The following SDHAF3 variants were observed in gnomAD, a reference collection of about 807,000 sequenced individuals.
SDHAF3 encodes the protein succinate dehydrogenase complex assembly factor 3, also known as succinate dehydrogenase assembly factor 3, mitochondrial.
A neutral mutation model predicts 11.5 loss-of-function variants in SDHAF3; 18 were observed. That is an observed-to-expected ratio of 1.56 (90% CI 1.08 to 2.32). The LOEUF is 2.32. Ranked by LOEUF, SDHAF3 falls within the 30% of genes most tolerant of loss-of-function variation. The probability of loss-of-function intolerance (pLI) is 0.00; values close to 1 mark genes in which losing one functional copy is unlikely to be tolerated. For synonymous variants in SDHAF3, 72 were observed against 59.3 expected (o/e 1.21, Z -0.99); for missense variants, 200 against 154.4 (o/e 1.30, Z -1.57).
intron 1 of SDHAF3, among the ~76,000 whole-genome samples, chr7:97,160,370 C>T (rs535588290): frequency 9.2e-5 from 14 of 151,574 alleles, no homozygotes; most frequent in African/African-American, 3.1e-4. Context: ...TGCCCGGCCG[C>T]CCCATCTGGG....
chr7:97,137,656 A>T (rs915050081), intron 1 of SDHAF3, among the ~76,000 whole-genome samples: 23 of 152,224 alleles, frequency 1.5e-4, no homozygotes, highest in Non-Finnish European at 7.3e-5. Context: ...AGCCTGCCAC[A>T]AATCAATATG....
At chr7:97,135,226 A>T (rs919050605) in intron 1 of SDHAF3, 5 of 152,146 alleles carry the variant, frequency 3.3e-5, no homozygotes, top group African/African-American at 1.2e-4. Context: ...CATACCTAAC[A>T]TTTTGGTCTT....
intron 1 of SDHAF3, among the ~76,000 whole-genome samples, chr7:97,178,326 C>T (rs1325627105): frequency 2.6e-5 from 4 of 152,002 alleles, no homozygotes; most frequent in South Asian, 4.1e-4. Flanking sequence ...TTCCAAATGT[C>T]GTCTATTGTG....
intron 1 of SDHAF3, among the ~76,000 whole-genome samples, chr7:97,154,136 C>T (rs528917025): frequency 6.9e-6 from 1 of 145,646 alleles, no homozygotes; most frequent in Admixed American, 7.1e-5. Flanking sequence ...AGTACATTCT[C>T]AAGGGTGGGG....
intron 1 of SDHAF3, among the ~76,000 whole-genome samples, chr7:97,171,660 C>T (rs1192724596): frequency 6.6e-6 from 1 of 151,802 alleles, no homozygotes; most frequent in African/African-American, 2.4e-5. Flanking sequence ...TGTTTTAAAC[C>T]ATTTGGTTTT....
Position 97,150,562 on chromosome 7 carries a change from CTTTTTTTT to C in SDHAF3, c.175-30438_175-30431del, listed in dbSNP as rs34184405. 1.2e-4 allele frequency among the ~76,000 whole-genome samples: 13 copies of C among 104,744 alleles called. No individual in the cohort carries two copies. The South Asian group carries it at 3.9e-3, about 31-fold the overall frequency. The allele number at this position is 104,744 out of a possible 152,430, so 68.7% of individuals were successfully genotyped here. ...ATATTTTGAAAGGAATCTTTTTTTC[CTTTTTTTT>C]TTTTTTTTTTTGAGATGGGGTCTCG... On this transcript the variant is annotated intron_variant, in intron 1 of 1. Coordinates refer to ENST00000432641, the MANE Select transcript of SDHAF3 (RefSeq NM_020186.3).
chr7:97,175,545 C>T (rs936032652), intron 1 of SDHAF3, among the ~76,000 whole-genome samples: 5 of 152,196 alleles, frequency 3.3e-5, no homozygotes, highest in African/African-American at 1.2e-4. Flanking sequence ...TTGCCTTGGC[C>T]TCCCAAAGCT....
chr7:97,145,490 T>C (rs62499468), intron 1 of SDHAF3, among the ~76,000 whole-genome samples: 5,183 of 152,260 alleles, frequency 0.034, 152 homozygotes, highest in Non-Finnish European at 0.05. Context: ...GAGTAATCAC[T>C]GAATAGTGTT....
intron 1 of SDHAF3, among the ~76,000 whole-genome samples, chr7:97,170,273 AT>A (rs1375326028): frequency 6.6e-6 from 1 of 152,142 alleles, no homozygotes; most frequent in Non-Finnish European, 1.5e-5. Flanking sequence ...GCCTCACTGT[AT>A]TCTAATATTA....
intron 1 of SDHAF3, among the ~76,000 whole-genome samples, chr7:97,148,238 T>G (rs548063049): frequency 6.6e-6 from 1 of 152,186 alleles, no homozygotes; most frequent in East Asian, 1.9e-4. Flanking sequence ...GTTTCACCTT[T>G]AAGAATGAAT....
At chr7:97,159,738 G>C (rs1213312826) in intron 1 of SDHAF3, among the ~76,000 whole-genome samples, 4 of 152,188 alleles carry the variant, frequency 2.6e-5, no homozygotes, top group Non-Finnish European at 4.4e-5. Flanking sequence ...ATAAGAGTGA[G>C]TTAAAAAGCC....
chr7:97,164,015 G>A (rs1026559716), intron 1 of SDHAF3, among the ~76,000 whole-genome samples: 23 of 150,600 alleles, frequency 1.5e-4, no homozygotes, highest in Non-Finnish European at 2.5e-4. Flanking sequence ...TGGCGCGATC[G>A]CAGGTCACTG....
chr7:97,165,647 A>G (rs948158313), intron 1 of SDHAF3, among the ~76,000 whole-genome samples: 1 of 152,044 alleles, frequency 6.6e-6, no homozygotes, highest in Non-Finnish European at 1.5e-5. Flanking sequence ...CTGAATTCTG[A>G]TATTTAGATT....
chr7:97,152,019 CTT>C (rs1159598176), intron 1 of SDHAF3, among the ~76,000 whole-genome samples: 1 of 152,126 alleles, frequency 6.6e-6, no homozygotes, highest in Non-Finnish European at 1.5e-5. Flanking sequence ...AGGGTTTACT[CTT>C]GTTTTCTTAC....
At chr7:97,148,596 T>TAAACAATTCACCC (rs1233104686) in intron 1 of SDHAF3, among the ~76,000 whole-genome samples, 1 of 152,218 alleles carries the variant, frequency 6.6e-6, no homozygotes, top group African/African-American at 2.4e-5. Context: ...ATGAATTTGA[T>TAAACAATTCACCC]AAACAATTCA....
chr7:97,145,140 A>G (rs2115677842), intron 1 of SDHAF3, among the ~76,000 whole-genome samples: 1 of 150,160 alleles, frequency 6.7e-6, no homozygotes, highest in Non-Finnish European at 1.5e-5. Flanking sequence ...AGAGCTACTG[A>G]TTTGTGTACA....
chr7:97,126,725 G>A lies in SDHAF3; in HGVS notation c.174+8828G>A, dbSNP rs189766444. ...AATTCAAGCCAGTGGTTCTTAGCTT[G>A]CTGGCCTTCATGGGAGTGGGACCTG... On this transcript the variant is annotated intron_variant, in intron 1 of 1. Coordinates refer to ENST00000432641, the MANE Select transcript of SDHAF3 (RefSeq NM_020186.3). Among the ~76,000 whole-genome samples the A allele has an allele frequency of 2.0e-5, 3 of 152,140 alleles. No individual in the cohort carries two copies. The East Asian group carries it at 5.8e-4, about 29-fold the overall frequency.
intron 1 of SDHAF3, among the ~76,000 whole-genome samples, chr7:97,118,569 G>A (rs927848840): frequency 4.9e-5 from 7 of 142,966 alleles, no homozygotes; most frequent in African/African-American, 1.8e-4. Context: ...TTTTTTTTGA[G>A]TAAAGGAAAA....
At chr7:97,164,011 G>A (rs1664139144) in intron 1 of SDHAF3, among the ~76,000 whole-genome samples, 1 of 151,192 alleles carries the variant, frequency 6.6e-6, no homozygotes, top group Non-Finnish European at 1.5e-5. Context: ...GCAGTGGCGC[G>A]ATCGCAGGTC....
Sources: gnomAD v4.1 joint callset for allele counts (sites outside exome capture counted in the v4.1 genomes callset) on GRCh38, gnomAD v4.1.1 for gene constraint, MANE v1.5 for transcripts, NCBI Gene and HGNC (gene_info 2026-07-23, HGNC 2026-07-21) for gene names.